SOX5: variants seen among roughly 807,000 people sequenced by gnomAD.
SOX5 encodes the protein SRY-box transcription factor 5, also known as transcription factor SOX-5.
SOX5 carries 9 observed loss-of-function variants against 92.0 expected under a neutral mutation model. The ratio of observed to expected loss-of-function variants is 0.10; its 90% CI spans 0.06 to 0.17. The LOEUF (loss-of-function observed/expected upper bound fraction) is 0.17, where lower values mean the gene tolerates loss of function less well. Among genes scored for constraint, SOX5 ranks in the 10% least tolerant of loss-of-function variants. The pLI is 1.00. For missense variants in SOX5, 642 were observed against 944.5 expected (o/e 0.68, Z 4.20); for synonymous variants, 344 against 336.3 (o/e 1.02, Z -0.25).
At chr12:24,480,214 G>GTT in intron 1 of SOX5, among the ~76,000 whole-genome samples, 1 of 152,138 alleles carries the variant, frequency 6.6e-6, no homozygotes, top group Admixed American at 6.5e-5. Flanking sequence ...TCCCTGTGCA[G>GTT]AAGAATGAAA....
chr12:23,640,847 C>A lies in SOX5; in HGVS notation c.982G>T (p.Ala328Ser), dbSNP rs762621219. Residue 328 changes from alanine (A) to serine (S), a missense_variant, in exon 8 of 15, where the codon GCA (alanine) becomes TCA (serine). Coordinates refer to ENST00000451604, the MANE Select transcript of SOX5 (RefSeq NM_006940.6). ...AGTGGGCCTAAGCCTGGTGTTGCTG[C>A]GGCAGCAGCTGCCATGGTAGTTGGG... is the stretch of plus-strand genomic sequence containing the variant. ...LIPTTMAAAA[A>S]ATPGLGPLQL... The A allele has an allele frequency of 7.4e-5, 119 of 1,613,414 alleles. No individual in the cohort carries two copies. Among genetic ancestry groups the A allele is most frequent in the Admixed American group, 2.0e-4 (12 of 59,984 alleles).
At chr12:24,385,340 G>A (rs1958269311) in intron 1 of SOX5, among the ~76,000 whole-genome samples, 1 of 152,074 alleles carries the variant, frequency 6.6e-6, no homozygotes, top group South Asian at 2.1e-4. Flanking sequence ...CCAAACTGTA[G>A]GTTAATGTAA....
chr12:24,430,625 T>C (rs1428832286), intron 1 of SOX5, among the ~76,000 whole-genome samples: 2 of 152,058 alleles, frequency 1.3e-5, no homozygotes, highest in Non-Finnish European at 2.9e-5. Context: ...TCCTGGGAAT[T>C]AGGAGATCAT....
intron 3 of SOX5, among the ~76,000 whole-genome samples, chr12:23,806,656 A>G (rs75259063): frequency 6.3e-5 from 9 of 143,620 alleles, no homozygotes; most frequent in Admixed American, 5.5e-4. Context: ...AGTGGAGTGG[A>G]AAAAAAAAAA....
At chr12:24,243,591 T>C (rs1226607700) in intron 3 of SOX5, among the ~76,000 whole-genome samples, 2 of 152,208 alleles carry the variant, frequency 1.3e-5, no homozygotes, top group Non-Finnish European at 2.9e-5. Context: ...TTTTAATGTA[T>C]TGTTTAGATA....
At chr12:24,339,030 T>C (rs1206803775) in intron 2 of SOX5, among the ~76,000 whole-genome samples, 1 of 152,178 alleles carries the variant, frequency 6.6e-6, no homozygotes, top group Admixed American at 6.5e-5. Flanking sequence ...GGTAGTATTC[T>C]AGGGGCACAG....
At chr12:24,045,796 C>G (rs1474479088) in intron 4 of SOX5, among the ~76,000 whole-genome samples, 1 of 152,210 alleles carries the variant, frequency 6.6e-6, no homozygotes, top group Admixed American at 6.5e-5. Context: ...GAATCCTTTA[C>G]ACATTTCAGT....
intron 4 of SOX5, among the ~76,000 whole-genome samples, chr12:24,186,971 G>T (rs1488434697): frequency 1.3e-5 from 2 of 152,040 alleles, no homozygotes; most frequent in Non-Finnish European, 2.9e-5. Context: ...AAATGTCAAT[G>T]AAATTCTGGT....
At chr12:24,561,250 G>C (rs1954309908) in intron 1 of SOX5, among the ~76,000 whole-genome samples, 1 of 152,130 alleles carries the variant, frequency 6.6e-6, no homozygotes, top group Admixed American at 6.5e-5. Context: ...AGGATTCCTC[G>C]TCTTGACCTG....
intron 6 of SOX5, among the ~76,000 whole-genome samples, chr12:23,710,098 A>C (rs1378141692): frequency 1.3e-5 from 2 of 152,174 alleles, no homozygotes; most frequent in Non-Finnish European, 2.9e-5. Flanking sequence ...ATGGGATAAT[A>C]GGTTACATAC....
intron 4 of SOX5, among the ~76,000 whole-genome samples, chr12:24,122,193 C>A (rs951739024): frequency 2.6e-5 from 4 of 152,152 alleles, no homozygotes; most frequent in Admixed American, 2.6e-4. Context: ...GATGATGTTA[C>A]GATCCCGAAG....
At chr12:24,229,340 A>G (rs1336945928) in intron 3 of SOX5, among the ~76,000 whole-genome samples, 1 of 152,178 alleles carries the variant, frequency 6.6e-6, no homozygotes, top group East Asian at 1.9e-4. Context: ...TGAGAATTGC[A>G]AGGCAGGAGT....
intron 6 of SOX5, among the ~76,000 whole-genome samples, chr12:23,694,092 C>T (rs1007488405): frequency 1.3e-5 from 2 of 152,134 alleles, no homozygotes; most frequent in Non-Finnish European, 2.9e-5. Flanking sequence ...CAGACTTTTG[C>T]TCCCATGATT....
intron 2 of SOX5, among the ~76,000 whole-genome samples, chr12:24,280,881 T>C (rs931363514): frequency 2.6e-5 from 4 of 151,830 alleles, no homozygotes; most frequent in Non-Finnish European, 5.9e-5. Context: ...ATTTTGAGAA[T>C]ATCTTCTTCT....
intron 4 of SOX5, among the ~76,000 whole-genome samples, chr12:24,096,017 C>T (rs760879835): frequency 6.6e-6 from 1 of 152,148 alleles, no homozygotes; most frequent in South Asian, 2.1e-4. Context: ...CTTACCCTAA[C>T]GGTCATTCTT....
intron 8 of SOX5, among the ~76,000 whole-genome samples, chr12:23,612,031 T>C (rs2076025561): frequency 6.6e-6 from 1 of 152,100 alleles, no homozygotes; most frequent in African/African-American, 2.4e-5. Context: ...TTTTACACTG[T>C]TATTATCTGA....
Position 23,713,647 on chromosome 12 carries a change from C to G in SOX5, c.810+21037G>C, listed in dbSNP as rs1030420874. ...GGGAAATATATATTCTCCAGTGTCTCTGTGTGTGTGTGTGTGTATGTGTGA... is the reference window on the plus strand; with the variant it reads ...GGGAAATATATATTCTCCAGTGTCTGTGTGTGTGTGTGTGTGTATGTGTGA... On this transcript the variant is annotated intron_variant, in intron 6 of 14. Transcript: ENST00000451604. Among the ~76,000 whole-genome samples, 7 of 146,960 alleles carry G rather than the reference C, an allele frequency of 4.8e-5. No homozygotes were observed. In the South Asian group the frequency reaches 1.1e-3, roughly 23 times the overall value.
At chr12:24,492,124 C>G (rs904631706) in intron 1 of SOX5, among the ~76,000 whole-genome samples, 2 of 152,172 alleles carry the variant, frequency 1.3e-5, no homozygotes, top group Admixed American at 6.5e-5. Context: ...AGGAAGGAAG[C>G]ATGGCCATCT....
At chr12:24,231,570 A>G (rs1024020268) in intron 3 of SOX5, among the ~76,000 whole-genome samples, 1 of 152,206 alleles carries the variant, frequency 6.6e-6, no homozygotes, top group African/African-American at 2.4e-5. Context: ...TGAAAGATAC[A>G]CTGTCGGTTA....
Sources: gnomAD v4.1 joint callset for allele counts (sites outside exome capture counted in the v4.1 genomes callset) on GRCh38, gnomAD v4.1.1 for gene constraint, MANE v1.5 for transcripts, NCBI Gene and HGNC (gene_info 2026-07-23, HGNC 2026-07-21) for gene names.